The following CADM2 variants were observed in gnomAD, a reference collection of about 807,000 sequenced individuals.
CADM2 encodes cell adhesion molecule 2.
CADM2 carries 12 observed loss-of-function variants against 49.8 expected under a neutral mutation model. That is an observed-to-expected ratio of 0.24 (90% CI 0.15 to 0.39). The LOEUF (loss-of-function observed/expected upper bound fraction) is 0.39. CADM2 is among the 10% of genes least tolerant of loss of function. The probability of loss-of-function intolerance (pLI) is 1.00; values close to 1 mark genes in which losing one functional copy is unlikely to be tolerated. For missense variants in CADM2, 378 were observed against 492.3 expected, an observed-to-expected ratio of 0.77 and a Z score of 2.20; for synonymous variants, 214 against 175.4, an observed-to-expected ratio of 1.22 and a Z score of -1.74.
At chr3:85,242,924 G>A (rs535243710) in intron 1 of CADM2, among the ~76,000 whole-genome samples, 13 of 151,656 alleles carry the variant, frequency 8.6e-5, no homozygotes, top group African/African-American at 2.9e-4. Context: ...TTCAAAACAG[G>A]ACCATAATGT....
intron 1 of CADM2, among the ~76,000 whole-genome samples, chr3:85,403,730 A>G (rs1360437158): frequency 6.6e-6 from 1 of 152,128 alleles, no homozygotes; most frequent in Non-Finnish European, 1.5e-5. Context: ...GGGTTTTTAG[A>G]TTTCAAACTT....
Position 85,352,197 on chromosome 3 carries a change from C to G in CADM2, c.62-374325C>G, listed in dbSNP as rs540995684. On this transcript the variant is annotated intron_variant, in intron 1 of 9. Transcript: ENST00000383699. ...TATAGTTCATCTTATAAAAATATCT[C>G]TTTCTGATAGATCCAAAGCAGCTTT... Among the ~76,000 whole-genome samples the G allele has an allele frequency of 6.6e-5, 10 of 152,134 alleles. No homozygotes were observed. The East Asian group carries it at 1.9e-3, about 29-fold the overall frequency.
intron 1 of CADM2, among the ~76,000 whole-genome samples, chr3:85,660,692 G>T (rs1274408155): frequency 6.6e-6 from 1 of 151,712 alleles, no homozygotes; most frequent in African/African-American, 2.4e-5. Flanking sequence ...AAAGTATGGG[G>T]GAAAAATAGG....
chr3:85,113,922 A>C (rs2038550655), intron 1 of CADM2, among the ~76,000 whole-genome samples: 1 of 152,140 alleles, frequency 6.6e-6, no homozygotes, highest in African/African-American at 2.4e-5. Context: ...CAAGAGAAGA[A>C]AATAAAATTT....
chr3:85,831,635 A>G (rs1450543364), intron 3 of CADM2, among the ~76,000 whole-genome samples: 1 of 151,944 alleles, frequency 6.6e-6, no homozygotes, highest in Non-Finnish European at 1.5e-5. Flanking sequence ...TCTTCTTTTC[A>G]GAAGTGTCTG....
intron 8 of CADM2, among the ~76,000 whole-genome samples, chr3:85,963,307 TC>T (rs1225130591): frequency 1.3e-5 from 2 of 151,940 alleles, no homozygotes; most frequent in Non-Finnish European, 2.9e-5. Flanking sequence ...ATTAGCCTAA[TC>T]CAATTAGACT....
intron 2 of CADM2, among the ~76,000 whole-genome samples, chr3:85,749,789 T>G (rs1353320998): frequency 6.6e-6 from 1 of 152,016 alleles, no homozygotes; most frequent in African/African-American, 2.4e-5. Context: ...ATTCCTTTTG[T>G]TTTATTTTCA....
intron 6 of CADM2, 138 bp downstream of exon 6, chr3:85,912,681 C>T: frequency 1.3e-6 from 1 of 765,536 alleles, no homozygotes; most frequent in Non-Finnish European, 2.1e-6. Flanking sequence ...ACTACATTCA[C>T]TAGTATTAAT....
At chr3:85,789,961 G>A (rs1429386366) in intron 2 of CADM2, among the ~76,000 whole-genome samples, 1 of 152,126 alleles carries the variant, frequency 6.6e-6, no homozygotes, top group Admixed American at 6.5e-5. Flanking sequence ...TTTAAGACAT[G>A]CTAAAGCAAT....
intron 1 of CADM2, among the ~76,000 whole-genome samples, chr3:85,185,593 A>G (rs542927060): frequency 1.6e-4 from 25 of 152,140 alleles, no homozygotes; most frequent in Admixed American, 1.2e-3. Context: ...CCACCCCACC[A>G]TGTCTACTTC....
chr3:85,930,558 A>G (rs1720457570), intron 6 of CADM2, among the ~76,000 whole-genome samples: 1 of 151,812 alleles, frequency 6.6e-6, no homozygotes, highest in Admixed American at 6.6e-5. Context: ...ATTCTTTCTA[A>G]TTTTTTTCTC....
At chr3:85,698,724 T>C (rs2066650272) in intron 1 of CADM2, among the ~76,000 whole-genome samples, 1 of 152,170 alleles carries the variant, frequency 6.6e-6, no homozygotes, top group Admixed American at 6.5e-5. Flanking sequence ...CCTACCATGC[T>C]CTACCTTCAG....
chr3:85,123,983 G>A (rs2038947274), intron 1 of CADM2, among the ~76,000 whole-genome samples: 1 of 152,178 alleles, frequency 6.6e-6, no homozygotes, highest in African/African-American at 2.4e-5. Context: ...AGCTATATAA[G>A]TACTGGGGGA....
At chr3:86,056,470 T>C (rs533957487) in intron 8 of CADM2, among the ~76,000 whole-genome samples, 1 of 152,392 alleles carries the variant, frequency 6.6e-6, no homozygotes, top group African/African-American at 2.4e-5. Flanking sequence ...ATATTTTATT[T>C]GTGCCCAGCA....
intron 8 of CADM2, among the ~76,000 whole-genome samples, chr3:86,038,064 C>A (rs1735393986): frequency 6.6e-6 from 1 of 152,068 alleles, no homozygotes; most frequent in South Asian, 2.1e-4. Flanking sequence ...TCACCTCCCA[C>A]TTATGAGTGA....
intron 1 of CADM2, among the ~76,000 whole-genome samples, chr3:85,278,521 GTTC>G (rs1235703919): frequency 1.3e-4 from 20 of 151,242 alleles, no homozygotes; most frequent in Admixed American, 1.1e-3. Context: ...GATTTTACAC[GTTC>G]TTTTCTTCCA....
chr3:86,058,624 ATTTAT>A (rs1355893049), intron 8 of CADM2, among the ~76,000 whole-genome samples: 1 of 152,106 alleles, frequency 6.6e-6, no homozygotes, highest in Non-Finnish European at 1.5e-5. Flanking sequence ...TTGAAAACAT[ATTTAT>A]TTTAATATAT....
At chr3:85,224,433 T>G (rs961832124) in intron 1 of CADM2, among the ~76,000 whole-genome samples, 1 of 152,166 alleles carries the variant, frequency 6.6e-6, no homozygotes, top group African/African-American at 2.4e-5. Context: ...CTTCACCCAT[T>G]TTTTGATGGC....
intron 1 of CADM2, among the ~76,000 whole-genome samples, chr3:85,366,460 T>C (rs948391832): frequency 6.6e-6 from 1 of 152,178 alleles, no homozygotes; most frequent in Non-Finnish European, 1.5e-5. Context: ...TTATAATAAA[T>C]ATGACAATGC....
Sources: allele counts gnomAD v4.1 joint callset (sites outside exome capture counted in the v4.1 genomes callset), GRCh38; gene constraint gnomAD v4.1.1; transcripts MANE v1.5; gene names NCBI Gene and HGNC (gene_info 2026-07-23, HGNC 2026-07-21).